CDYL2: variants seen among roughly 807,000 people sequenced by gnomAD.
CDYL2 encodes the protein chromodomain Y-like protein 2.
Under a neutral mutation model 49.4 loss-of-function variants are expected in CDYL2, and 23 were observed. The ratio of observed to expected loss-of-function variants is 0.47; its 90% CI spans 0.34 to 0.66. CDYL2 has a LOEUF of 0.66. Among genes scored for constraint, CDYL2 ranks in the 30% least tolerant of loss-of-function variants. The pLI, the probability that CDYL2 is intolerant of heterozygous loss-of-function variation, is 0.01. For synonymous variants in CDYL2, 360 were observed against 268.8 expected (o/e 1.34, Z -3.32); for missense variants, 678 against 656.4 (o/e 1.03, Z -0.36).
chr16:80,614,646 A>C (rs2142368062), intron 4 of CDYL2, among the ~76,000 whole-genome samples: 1 of 152,292 alleles, frequency 6.6e-6, no homozygotes, highest in East Asian at 1.9e-4. Context: ...TGGATGGATC[A>C]CAAGGTCAGG....
At chr16:80,607,398 A>G (rs1906386452) in intron 6 of CDYL2, among the ~76,000 whole-genome samples, 1 of 152,162 alleles carries the variant, frequency 6.6e-6, no homozygotes, top group Non-Finnish European at 1.5e-5. Flanking sequence ...CCAAAAATGC[A>G]CGCAGCAGCT....
chr16:80,695,932 A>G (rs1042179057), intron 1 of CDYL2, among the ~76,000 whole-genome samples: 2 of 152,236 alleles, frequency 1.3e-5, no homozygotes, highest in African/African-American at 4.8e-5. Context: ...GTTTCAATCA[A>G]CTGCTGCAGA....
At chr16:80,724,108 G>A (rs1051877056) in intron 1 of CDYL2, among the ~76,000 whole-genome samples, 1 of 149,754 alleles carries the variant, frequency 6.7e-6, no homozygotes, top group African/African-American at 2.5e-5. Context: ...AAAAGAAGAG[G>A]AAGAGAAAGG....
chr16:80,689,755 T>C (rs1291537253), intron 1 of CDYL2, among the ~76,000 whole-genome samples: 1 of 152,206 alleles, frequency 6.6e-6, no homozygotes, highest in Non-Finnish European at 1.5e-5. Context: ...CAGACCGCCA[T>C]CATGGCTCAC....
At chr16:80,800,864 C>G (rs1329259707) in intron 1 of CDYL2, among the ~76,000 whole-genome samples, 3 of 152,176 alleles carry the variant, frequency 2.0e-5, no homozygotes, top group Non-Finnish European at 4.4e-5. Flanking sequence ...TCCTGACACC[C>G]AAACATCTTA....
chr16:80,615,238 G>C (rs995468561), intron 4 of CDYL2, among the ~76,000 whole-genome samples: 2 of 152,148 alleles, frequency 1.3e-5, no homozygotes, highest in Non-Finnish European at 2.9e-5. Flanking sequence ...TAACCTAATG[G>C]TGAGGTTTTC....
In CDYL2 at chr16:80,632,871, A is replaced by G. The variant is rs1469210705; in HGVS notation, c.834+148T>C. 3.7e-5 allele frequency: 25 copies of G among 669,052 alleles called. No individual in the cohort carries two copies. In the Middle Eastern group the frequency reaches 1.3e-3, roughly 34 times the overall value. 41.4% of individuals were successfully genotyped at this position (669,052 alleles called of 1,614,324 possible). A position where few individuals can be genotyped will look rare whatever the true frequency, so the allele number is the denominator to read the frequency against. On this transcript the variant is annotated intron_variant, in intron 3 of 6. Transcript: ENST00000570137. The stretch of plus-strand genomic sequence containing the variant: ...ATGGGATAATGTATGTAAAATGATG[A>G]GCAAATTGCGCGCTGCAGTCAAGTT...
chr16:80,771,285 G>A (rs1276001107), intron 1 of CDYL2, among the ~76,000 whole-genome samples: 1 of 152,226 alleles, frequency 6.6e-6, no homozygotes, highest in Non-Finnish European at 1.5e-5. Context: ...ACAAGAAGAT[G>A]AGAACTGGCA....
chr16:80,636,628 T>C (rs1331055516), intron 2 of CDYL2, among the ~76,000 whole-genome samples: 2 of 152,126 alleles, frequency 1.3e-5, no homozygotes, highest in African/African-American at 2.4e-5. Flanking sequence ...ACTTCAACCA[T>C]TGTGGAAGAC....
intron 2 of CDYL2, among the ~76,000 whole-genome samples, chr16:80,637,654 T>A (rs1054114529): frequency 1.2e-4 from 16 of 137,434 alleles, no homozygotes; most frequent in African/African-American, 5.4e-4. Context: ...GAACTTGATG[T>A]TTTTTAAAAA....
chr16:80,794,634 A>G (rs1204576207), intron 1 of CDYL2, among the ~76,000 whole-genome samples: 2 of 106,196 alleles, frequency 1.9e-5, no homozygotes, highest in Non-Finnish European at 3.5e-5. Context: ...TTTTTGGGAC[A>G]GAGTTCTGCT....
intron 1 of CDYL2, among the ~76,000 whole-genome samples, chr16:80,756,226 G>A (rs965675193): frequency 6.6e-6 from 1 of 151,880 alleles, no homozygotes; most frequent in African/African-American, 2.4e-5. Context: ...AATTAAAAGT[G>A]GAAATTTATT....
intron 4 of CDYL2, among the ~76,000 whole-genome samples, chr16:80,617,737 T>C (rs1190497785): frequency 2.0e-5 from 3 of 152,218 alleles, no homozygotes; most frequent in Non-Finnish European, 1.5e-5. Context: ...CTCACCTTTC[T>C]CATGCCTGTA....
chr16:80,800,986 T>C (rs893081311), intron 1 of CDYL2, among the ~76,000 whole-genome samples: 3 of 152,224 alleles, frequency 2.0e-5, no homozygotes, highest in South Asian at 2.1e-4. Flanking sequence ...AGGGACAAGC[T>C]AGAGATCATA....
chr16:80,628,566 A>T (rs1447171997), intron 3 of CDYL2, among the ~76,000 whole-genome samples: 1 of 152,192 alleles, frequency 6.6e-6, no homozygotes, highest in Non-Finnish European at 1.5e-5. Context: ...AGAGACCTTG[A>T]GCTGGAAGCA....
At chr16:80,677,471 G>C (rs947673903) in intron 2 of CDYL2, among the ~76,000 whole-genome samples, 4 of 152,126 alleles carry the variant, frequency 2.6e-5, no homozygotes, top group Non-Finnish European at 5.9e-5. Flanking sequence ...AGGCGCAGTG[G>C]CGCACGCCTG....
intron 1 of CDYL2, among the ~76,000 whole-genome samples, chr16:80,725,197 TACAC>T (rs1157135471): frequency 6.7e-6 from 1 of 149,082 alleles, no homozygotes; most frequent in Non-Finnish European, 1.5e-5. Context: ...CACATACACA[TACAC>T]ACACACATAC....
At chr16:80,692,749 G>A (rs189870061) in intron 1 of CDYL2, among the ~76,000 whole-genome samples, 6 of 152,256 alleles carry the variant, frequency 3.9e-5, no homozygotes, top group Middle Eastern at 6.8e-3. Context: ...TATAGGAAAT[G>A]GTCAAACATG....
chr16:80,615,634 C>T (rs1016861342), intron 4 of CDYL2, among the ~76,000 whole-genome samples: 1 of 152,160 alleles, frequency 6.6e-6, no homozygotes, highest in Admixed American at 6.5e-5. Flanking sequence ...GAATGGACTG[C>T]AGCCCTTGTG....
Sources: allele counts gnomAD v4.1 joint callset (sites outside exome capture counted in the v4.1 genomes callset), GRCh38; gene constraint gnomAD v4.1.1; transcripts MANE v1.5; gene names NCBI Gene and HGNC (gene_info 2026-07-23, HGNC 2026-07-21).